The following ST6GALNAC4 variants were observed in gnomAD, a reference collection of about 807,000 sequenced individuals.
The protein encoded by ST6GALNAC4 is ST6 N-acetylgalactosaminide alpha-2,6-sialyltransferase 4, also known as alpha-N-acetyl-neuraminyl-2,3-beta-galactosyl-1,3-N-acetyl-galactosaminide alpha-2,6-sialyltransferase.
ST6GALNAC4 carries 24 observed loss-of-function variants against 30.4 expected under a neutral mutation model. The ratio of observed to expected loss-of-function variants is 0.79; its 90% CI spans 0.57 to 1.11. The LOEUF is 1.11. Among genes scored for constraint, ST6GALNAC4 ranks in the 50% most tolerant of loss-of-function variants. ST6GALNAC4 has a pLI of 0.00. For missense variants in ST6GALNAC4, 365 were observed against 430.1 expected (o/e 0.85, Z 1.34); for synonymous variants, 156 against 179.7 (o/e 0.87, Z 1.05).
At position 127,908,806 on chromosome 9, in the gene ST6GALNAC4, C is replaced by T. The variant is rs370288725; in HGVS notation, c.720-225G>A. Among the ~76,000 whole-genome samples the T allele has an allele frequency of 5.9e-5, 9 of 152,232 alleles. No homozygotes were observed. The East Asian group carries it at 7.8e-4, about 13-fold the overall frequency. On this transcript the variant is annotated intron_variant, in intron 5 of 5. Coordinates refer to ENST00000335791, the MANE Select transcript of ST6GALNAC4 (RefSeq NM_175039.4). ...TGGATGACTCTGGGCCAGAGATGGACGCTGTGAGCCTCAAGAGCCCGTGTG... is the reference window on the plus strand; with the variant it reads ...TGGATGACTCTGGGCCAGAGATGGATGCTGTGAGCCTCAAGAGCCCGTGTG...
At chr9:127,912,147 T>C in intron 4 of ST6GALNAC4, 121 bp downstream of exon 4, 1 of 1,273,508 alleles carries the variant, frequency 7.9e-7, no homozygotes, top group Non-Finnish European at 1.1e-6. Flanking sequence ...CAGGACCATG[T>C]CTGCCTCCAT....
At chr9:127,914,598 G>A in intron 3 of ST6GALNAC4, 58 bp downstream of exon 3, 2 of 1,479,036 alleles carry the variant, frequency 1.4e-6, no homozygotes, top group Non-Finnish European at 1.8e-6. Context: ...TCAAGGTCCG[G>A]TTTGGGACAA....
Position 127,909,855 on chromosome 9 carries a change from C to T in ST6GALNAC4, c.719+96G>A, listed in dbSNP as rs1271522130. On this transcript the variant is annotated intron_variant, in intron 5 of 5. Coordinates refer to ENST00000335791, the MANE Select transcript of ST6GALNAC4 (RefSeq NM_175039.4). ...GTCACCCACCATGAAGCCCACACTC[C>T]CTCTGCCCCCACAGCTCCCAAATCC... 3 of 1,219,186 alleles carry T rather than the reference C, an allele frequency of 2.5e-6. No individual in the cohort carries two copies. In the Admixed American group the frequency reaches 6.3e-5, roughly 26 times the overall value. The allele number at this position is 1,219,186 out of a possible 1,614,324, so 75.5% of individuals were successfully genotyped here.
At chr9:127,914,555 G>A in intron 3 of ST6GALNAC4, 101 bp downstream of exon 3, 1 of 722,886 alleles carries the variant, frequency 1.4e-6, no homozygotes, top group Non-Finnish European at 2.0e-6. Context: ...TGATTGGCCA[G>A]GATCACATGG....
chr9:127,912,684 C>A lies in ST6GALNAC4; in HGVS notation c.199-4G>T. On this transcript the variant is annotated splice_region_variant and splice_polypyrimidine_tract_variant and intron_variant, in intron 3 of 5. Coordinates refer to ENST00000335791, the MANE Select transcript of ST6GALNAC4 (RefSeq NM_175039.4). ...GGCAGGGCTCGCGGACCAGCGGCTG[C>A]AGGGCAGGCAGGGAGAAAGAGACAG... 6.4e-7 allele frequency: 1 copy of A among 1,556,182 alleles called. No homozygotes were observed. Among genetic ancestry groups the A allele is most frequent in the Non-Finnish European group, 8.7e-7 (1 of 1,153,362 alleles).
intron 4 of ST6GALNAC4, among the ~76,000 whole-genome samples, chr9:127,911,256 G>A (rs777749870): frequency 5.9e-5 from 9 of 152,164 alleles, no homozygotes; most frequent in Admixed American, 2.6e-4. Flanking sequence ...GCCATTGTAC[G>A]TGGCAGATGA....
chr9:127,909,001 G>T (rs1235646978), intron 5 of ST6GALNAC4, among the ~76,000 whole-genome samples: 1 of 152,166 alleles, frequency 6.6e-6, no homozygotes, highest in Non-Finnish European at 1.5e-5. Flanking sequence ...GCATCACGGG[G>T]GCCAGCCGTA....
At chr9:127,915,479 T>C (rs560373502) in intron 2 of ST6GALNAC4, among the ~76,000 whole-genome samples, 56 of 152,246 alleles carry the variant, frequency 3.7e-4, no homozygotes, top group Admixed American at 9.1e-4. Context: ...CACAAGGAGA[T>C]TGGAGCAAAG....
intron 5 of ST6GALNAC4, among the ~76,000 whole-genome samples, chr9:127,909,402 A>G (rs1164491157): frequency 6.6e-6 from 1 of 151,380 alleles, no homozygotes; most frequent in Non-Finnish European, 1.5e-5. Context: ...AAAAAAAAAA[A>G]GAAATATAAT....
chr9:127,910,333 T>G (rs1200621525), intron 4 of ST6GALNAC4: 1 of 1,218,532 alleles, frequency 8.2e-7, no homozygotes, highest in African/African-American at 1.6e-5. Flanking sequence ...AACCCCTGGA[T>G]GATGGGTGTG....
At chr9:127,911,255 C>G (rs931274008) in intron 4 of ST6GALNAC4, among the ~76,000 whole-genome samples, 2 of 152,016 alleles carry the variant, frequency 1.3e-5, no homozygotes, top group Non-Finnish European at 2.9e-5. Flanking sequence ...GGCCATTGTA[C>G]GTGGCAGATG....
intron 3 of ST6GALNAC4, among the ~76,000 whole-genome samples, chr9:127,913,968 G>A (rs1249880304): frequency 6.6e-6 from 1 of 152,214 alleles, no homozygotes; most frequent in African/African-American, 2.4e-5. Flanking sequence ...GCAAGAACCG[G>A]TGGCGGGAGG....
At chr9:127,910,358 G>A (rs961203786) in intron 4 of ST6GALNAC4, 30 of 1,164,202 alleles carry the variant, frequency 2.6e-5, no homozygotes, top group East Asian at 1.2e-4. Flanking sequence ...CTCTGGCCAC[G>A]TCCTCTCCTC....
At chr9:127,914,865 G>C (rs752768429) in intron 2 of ST6GALNAC4, 24 bp from the exon 3 acceptor site, 1 of 1,449,730 alleles carries the variant, frequency 6.9e-7, no homozygotes, top group Admixed American at 2.6e-5. Context: ...TGGCCATGGG[G>C]GGGTGTATGT....
chr9:127,914,537 A>T, intron 3 of ST6GALNAC4, 119 bp downstream of exon 3: 2 of 214,964 alleles, frequency 9.3e-6, no homozygotes, highest in Non-Finnish European at 1.9e-5. Context: ...GGGCTCAGAG[A>T]GGTGATGTGA....
chr9:127,916,642 A>G lies in ST6GALNAC4; in HGVS notation c.-75-148T>C. On this transcript the variant is annotated intron_variant, in intron 1 of 5. Coordinates refer to ENST00000335791, the MANE Select transcript of ST6GALNAC4 (RefSeq NM_175039.4). ...ACCCCTTGACGTCTCCAAACACCGG[A>G]AGGCAATGTCCCCATCCTAAAGGAG... 3 of 606,314 alleles carry G rather than the reference A, an allele frequency of 4.9e-6. No homozygotes were observed. The East Asian group carries it at 8.2e-5, about 17-fold the overall frequency. The allele number at this position is 606,314 out of a possible 1,614,324, so 37.6% of individuals were successfully genotyped here. A position where few individuals can be genotyped will look rare whatever the true frequency, so the allele number is the denominator to read the frequency against.
chr9:127,909,552 T>TATAC (rs1554822154), intron 5 of ST6GALNAC4, among the ~76,000 whole-genome samples: 1 of 148,840 alleles, frequency 6.7e-6, no homozygotes, highest in East Asian at 1.9e-4. Context: ...ATATCACTGA[T>TATAC]ATATATATAT....
chr9:127,909,890 A>C, intron 5 of ST6GALNAC4, 61 bp downstream of exon 5: 1 of 1,522,580 alleles, frequency 6.6e-7, no homozygotes, highest in Non-Finnish European at 9.0e-7. Flanking sequence ...CTCTGGTTTA[A>C]GGCCTAGGAG....
Position 127,912,562 on chromosome 9 carries a change from G to C in ST6GALNAC4, c.317C>G (p.Ala106Gly), listed in dbSNP as rs957667649. 2 of 1,612,842 alleles carry C rather than the reference G, an allele frequency of 1.2e-6. No individual in the cohort carries two copies. Among genetic ancestry groups the C allele is most frequent in the Non-Finnish European group, 1.7e-6 (2 of 1,179,904 alleles). The part of the protein sequence containing the change: ...SAECVFRMNQ[A>G]PTVGFEADVG... The stretch of plus-strand genomic sequence containing the variant: ...ATCCGCCTCAAAGCCCACGGTGGGC[G>C]CCTGGTTCATGCGGAACACGCACTC... The change falls in exon 4 of 6, where the codon GCG becomes GGG. Residue 106 changes from alanine to glycine, a missense_variant. By Grantham distance (60) the Ala-to-Gly change is moderately conservative (BLOSUM62 0). Transcript: ENST00000335791.
Sources: allele counts gnomAD v4.1 joint callset (sites outside exome capture counted in the v4.1 genomes callset), GRCh38; gene constraint gnomAD v4.1.1; transcripts MANE v1.5; gene names NCBI Gene and HGNC (gene_info 2026-07-23, HGNC 2026-07-21).